AFF3: variants seen among roughly 807,000 people sequenced by gnomAD.
AFF3 encodes the protein ALF transcription elongation factor 3, also known as AF4/FMR2 family member 3.
In AFF3, 32 loss-of-function variants were observed where a neutral mutation model predicts 129.7. That is an observed-to-expected ratio of 0.25 (90% CI 0.19 to 0.33). AFF3 has a LOEUF of 0.33. Ranked by LOEUF, AFF3 falls within the 10% of genes least tolerant of loss-of-function variation. AFF3 has a pLI of 1.00. For synonymous variants in AFF3, 644 were observed against 635.4 expected (o/e 1.01, Z -0.20); for missense variants, 1,373 against 1,592.0 (o/e 0.86, Z 2.34).
chr2:99,599,565 G>A (rs573334251), intron 14 of AFF3, among the ~76,000 whole-genome samples: 1 of 152,228 alleles, frequency 6.6e-6, no homozygotes, highest in South Asian at 2.1e-4. Context: ...CAACTGTACT[G>A]GTCTTAAATG....
chr2:99,700,737 G>A (rs761398751), intron 11 of AFF3, among the ~76,000 whole-genome samples: 2 of 152,208 alleles, frequency 1.3e-5, no homozygotes, highest in African/African-American at 4.8e-5. Context: ...TTAGAACAAC[G>A]TCCAGAAGAC....
At chr2:99,707,438 A>C in intron 11 of AFF3, 3 of 985,294 alleles carry the variant, frequency 3.0e-6, no homozygotes, top group Non-Finnish European at 3.6e-6. Context: ...GTATCAGATA[A>C]TTTTTTTGCA....
intron 8 of AFF3, among the ~76,000 whole-genome samples, chr2:99,796,868 T>C (rs139658692): frequency 5.3e-5 from 8 of 152,312 alleles, no homozygotes; most frequent in Admixed American, 2.6e-4. Flanking sequence ...GGGCATTGGA[T>C]AGAGCACTCA....
chr2:100,061,858 G>GGC (rs1553515737), intron 4 of AFF3, among the ~76,000 whole-genome samples: 1 of 63,918 alleles, frequency 1.6e-5, no homozygotes, highest in East Asian at 2.6e-4. Context: ...GCACAGTGGA[G>GGC]GGGGGGGGGG....
At chr2:100,085,546 T>C (rs2105377367) in intron 4 of AFF3, among the ~76,000 whole-genome samples, 1 of 148,456 alleles carries the variant, frequency 6.7e-6, no homozygotes, top group Non-Finnish European at 1.5e-5. Flanking sequence ...ATAGGACTTA[T>C]GAACTCCAAA....
At chr2:99,758,530 G>A (rs1042081435) in intron 8 of AFF3, among the ~76,000 whole-genome samples, 3 of 143,290 alleles carry the variant, frequency 2.1e-5, no homozygotes, top group Non-Finnish European at 3.0e-5. Context: ...AGGTTGCAGT[G>A]AGCCGAAATC....
At chr2:99,718,571 A>G (rs1678588756) in intron 11 of AFF3, among the ~76,000 whole-genome samples, 1 of 152,124 alleles carries the variant, frequency 6.6e-6, no homozygotes, top group Admixed American at 6.6e-5. Context: ...TTGTCCATAA[A>G]CAGTAATTAT....
intron 9 of AFF3, among the ~76,000 whole-genome samples, chr2:99,747,932 T>G (rs148076383): frequency 1.3e-5 from 2 of 152,250 alleles, no homozygotes; most frequent in African/African-American, 4.8e-5. Flanking sequence ...CCATTATCAT[T>G]CTTACCGGCA....
intron 11 of AFF3, among the ~76,000 whole-genome samples, chr2:99,686,762 G>A (rs1431042801): frequency 6.6e-6 from 1 of 152,162 alleles, no homozygotes; most frequent in Non-Finnish European, 1.5e-5. Context: ...ACAGCAGCAG[G>A]CATTCCTGAC....
At chr2:100,122,560 C>A (rs1374986912) in intron 2 of AFF3, among the ~76,000 whole-genome samples, 1 of 152,126 alleles carries the variant, frequency 6.6e-6, no homozygotes, top group Non-Finnish European at 1.5e-5. Flanking sequence ...TAAGGTTGCC[C>A]AACCCAAAGT....
intron 7 of AFF3, among the ~76,000 whole-genome samples, chr2:99,875,333 A>T (rs1206354043): frequency 4.6e-5 from 7 of 152,144 alleles, no homozygotes; most frequent in Non-Finnish European, 1.0e-4. Flanking sequence ...ACCACCTCAG[A>T]GGCCTTTCCT....
intron 12 of AFF3, among the ~76,000 whole-genome samples, chr2:99,664,760 C>T (rs926188628): frequency 2.0e-5 from 3 of 152,200 alleles, no homozygotes; most frequent in African/African-American, 7.2e-5. Flanking sequence ...TCCACGCATT[C>T]GTTCAACAAA....
chr2:99,701,571 A>T (rs1221982816), intron 11 of AFF3, among the ~76,000 whole-genome samples: 2 of 152,276 alleles, frequency 1.3e-5, no homozygotes, highest in African/African-American at 2.4e-5. Flanking sequence ...CTCTTCACCC[A>T]GCCTCTGCCA....
intron 1 of AFF3, among the ~76,000 whole-genome samples, chr2:100,139,760 CA>C (rs373368758): frequency 7.3e-5 from 11 of 151,030 alleles, no homozygotes; most frequent in East Asian, 1.9e-4. Context: ...CACTAATAAC[CA>C]AAAAAAAGGC....
chr2:100,124,116 A>G (rs558941170), intron 2 of AFF3, among the ~76,000 whole-genome samples: 1 of 152,322 alleles, frequency 6.6e-6, no homozygotes, highest in Admixed American at 6.5e-5. Flanking sequence ...TAAGCCCAAG[A>G]ACTCTCTTTC....
chr2:99,988,683 G>C lies in AFF3; in HGVS notation c.873+17949C>G, dbSNP rs146853529. Among the ~76,000 whole-genome samples the C allele has an allele frequency of 3.5e-3, 537 of 152,222 alleles. 2 individuals carry two copies. Among genetic ancestry groups the C allele is most frequent in the Non-Finnish European group, 5.1e-3 (344 of 68,020 alleles). On this transcript the variant is annotated intron_variant, in intron 7 of 24. Transcript: ENST00000672756. ...CTCGAGGGGGCTGATAAGCGTGGCA[G>C]GAAAGAAATCAGTTTAACTTGGACA...
At chr2:100,012,162 G>A (rs1238424931) in intron 4 of AFF3, among the ~76,000 whole-genome samples, 1 of 152,134 alleles carries the variant, frequency 6.6e-6, no homozygotes, top group Non-Finnish European at 1.5e-5. Context: ...TCAGGGGCCT[G>A]CCATCATGCT....
chr2:99,877,546 A>C, intron 7 of AFF3, among the ~76,000 whole-genome samples: 1 of 152,220 alleles, frequency 6.6e-6, no homozygotes, highest in East Asian at 1.9e-4. Context: ...CTTTATGACG[A>C]GACTGTCACT....
chr2:99,916,388 C>T (rs1313723430), intron 7 of AFF3, among the ~76,000 whole-genome samples: 1 of 152,140 alleles, frequency 6.6e-6, no homozygotes, highest in African/African-American at 2.4e-5. Flanking sequence ...TTTATTCTCC[C>T]TCATCAGAAT....
Sources: gnomAD v4.1 joint callset for allele counts (sites outside exome capture counted in the v4.1 genomes callset) on GRCh38, gnomAD v4.1.1 for gene constraint, MANE v1.5 for transcripts, NCBI Gene and HGNC (gene_info 2026-07-23, HGNC 2026-07-21) for gene names.